UGT1A7: variants seen among roughly 807,000 people sequenced by gnomAD.
UGT1A7 encodes UDP-glucuronosyltransferase 1A7.
UGT1A7 carries 33 observed loss-of-function variants against 45.6 expected under a neutral mutation model. The ratio of observed to expected loss-of-function variants is 0.72; its 90% CI spans 0.55 to 0.97. The LOEUF is 0.97. Among genes scored for constraint, UGT1A7 ranks in the 50% least tolerant of loss-of-function variants. The pLI is 0.00. For missense variants in UGT1A7, 684 were observed against 666.2 expected (o/e 1.03, Z -0.29); for synonymous variants, 274 against 250.6 (o/e 1.09, Z -0.88).
Position 233,694,008 on chromosome 2 carries a change from G to A in UGT1A7, c.855+11216G>A, listed in dbSNP as rs12478255. 6,635 of 1,456,404 alleles carry A rather than the reference G, an allele frequency of 4.6e-3. 175 individuals are homozygous for A. In the Admixed American group the frequency reaches 0.07, roughly 15 times the overall value. The allele number at this position is 1,456,404 out of a possible 1,614,324, so 90.2% of individuals were successfully genotyped here. On this transcript the variant is annotated intron_variant, in intron 1 of 4. Coordinates refer to ENST00000373426, the MANE Select transcript of UGT1A7 (RefSeq NM_019077.3). Reference sequence around the variant, plus strand: ...GAAGTGATACCCGGCTCGGAGCAGCGGGAACACATAGGAGACCTGAGGCTG... The same window carrying A: ...GAAGTGATACCCGGCTCGGAGCAGCAGGAACACATAGGAGACCTGAGGCTG...
intron 1 of UGT1A7, among the ~76,000 whole-genome samples, chr2:233,703,636 A>G (rs1485520646): frequency 2.0e-5 from 3 of 152,118 alleles, no homozygotes; most frequent in Admixed American, 2.0e-4. Context: ...TGATATTAGT[A>G]TAACCAATCT....
intron 1 of UGT1A7, chr2:233,693,123 T>G: frequency 6.2e-7 from 1 of 1,614,176 alleles, no homozygotes; most frequent in Non-Finnish European, 8.5e-7. Context: ...AGCCACTGGC[T>G]TAGTATGAAG....
Position 233,744,054 on chromosome 2 carries a change from T to C in UGT1A7, c.856-22980T>C, listed in dbSNP as rs150741507. ...TTATGACGCAGCCACATCTCATTGG[T>C]CGAGGCCTATGAGCGCCTCGCATCC... On this transcript the variant is annotated intron_variant, in intron 1 of 4. Transcript: ENST00000373426. The C allele has an allele frequency of 5.9e-3, 3,770 of 635,096 alleles. 152 individuals carry two copies. In the East Asian group the frequency reaches 0.082, roughly 14 times the overall value. 39.3% of individuals were successfully genotyped at this position (635,096 alleles called of 1,614,324 possible).
chr2:233,727,581 A>G (rs748727287), intron 1 of UGT1A7, among the ~76,000 whole-genome samples: 1 of 152,154 alleles, frequency 6.6e-6, no homozygotes, highest in African/African-American at 2.4e-5. Context: ...TAGGAAGCAT[A>G]TAGTTTTAAG....
Position 233,682,441 on chromosome 2 carries a change from C to T in UGT1A7, c.504C>T (p.Phe168=), listed in dbSNP as rs1271103616. The part of the protein sequence containing the change: ...AKYFSLPSVV[F]ARGIFCHYLE... Reference sequence around the variant, plus strand: ...ATTTCTCCCTCCCCTCTGTGGTCTTCGCCAGGGGAATATTTTGCCACTATC... The same window carrying T: ...ATTTCTCCCTCCCCTCTGTGGTCTTTGCCAGGGGAATATTTTGCCACTATC... Residue 168 remains phenylalanine (F), a synonymous_variant, in exon 1 of 5, where the codon TTC becomes TTT. Coordinates refer to ENST00000373426, the MANE Select transcript of UGT1A7 (RefSeq NM_019077.3). 4.3e-6 allele frequency: 7 copies of T among 1,613,824 alleles called. No homozygotes were observed. Among genetic ancestry groups the T allele is most frequent in the Non-Finnish European group, 1.7e-6 (2 of 1,179,830 alleles).
At chr2:233,758,070 G>T (rs1696791398) in intron 1 of UGT1A7, among the ~76,000 whole-genome samples, 1 of 152,026 alleles carries the variant, frequency 6.6e-6, no homozygotes, top group South Asian at 2.1e-4. Flanking sequence ...TGACTTTCTG[G>T]GCCTAGTTCC....
intron 1 of UGT1A7, among the ~76,000 whole-genome samples, chr2:233,712,048 G>T (rs1193120711): frequency 6.6e-6 from 1 of 152,226 alleles, no homozygotes; most frequent in Non-Finnish European, 1.5e-5. Flanking sequence ...TTGGAAAAAA[G>T]CCTGACCATA....
At chr2:233,702,615 A>G (rs1053015833) in intron 1 of UGT1A7, among the ~76,000 whole-genome samples, 1 of 152,126 alleles carries the variant, frequency 6.6e-6, no homozygotes, top group Non-Finnish European at 1.5e-5. Flanking sequence ...TGCCCCCCAC[A>G]TTATGAGATT....
chr2:233,771,498 A>G (rs1006234323), intron 4 of UGT1A7: 3 of 152,314 alleles, frequency 2.0e-5, no homozygotes, highest in Non-Finnish European at 4.4e-5. Flanking sequence ...TAATGTTTCA[A>G]TGACTGAATT....
intron 1 of UGT1A7, among the ~76,000 whole-genome samples, chr2:233,683,302 A>G (rs2074626925): frequency 6.6e-6 from 1 of 152,108 alleles, no homozygotes; most frequent in South Asian, 2.1e-4. Context: ...TTACAGGTCA[A>G]TGCATACAGA....
intron 1 of UGT1A7, chr2:233,743,927 C>A (rs773932018): frequency 1.2e-5 from 17 of 1,360,072 alleles, no homozygotes; most frequent in Non-Finnish European, 1.6e-5. Context: ...GCTGGATGGC[C>A]AGAACGGCCC....
At chr2:233,713,464 C>T (rs12475068) in intron 1 of UGT1A7, 36 of 1,613,900 alleles carry the variant, frequency 2.2e-5, no homozygotes, top group Admixed American at 8.3e-5. Context: ...CACCTCTGCG[C>T]GGCGGTGCTG....
Position 233,772,456 on chromosome 2 carries a change from T to G in UGT1A7, c.1490T>G (p.Leu497Arg). The G allele has an allele frequency of 6.2e-7, 1 of 1,614,218 alleles. No individual in the cohort carries two copies. ...DVIGFLLAVV[L>R]TVAFITFKCC... ...ATTGGTTTCCTCTTGGCCGTCGTGC[T>G]GACAGTGGCCTTCATCACCTTTAAA... Residue 497 changes from leucine to arginine, a missense_variant, in exon 5 of 5, where the codon CTG becomes CGG. Physicochemically the swap from Leu to Arg is moderately radical, Grantham distance 102. Transcript: ENST00000373426.
At chr2:233,684,863 G>A (rs1161167563) in intron 1 of UGT1A7, among the ~76,000 whole-genome samples, 1 of 152,146 alleles carries the variant, frequency 6.6e-6, no homozygotes, top group Non-Finnish European at 1.5e-5. Flanking sequence ...TTCCTTTCTT[G>A]TTTCATATGG....
intron 1 of UGT1A7, chr2:233,693,975 G>A (rs1050252504): frequency 2.0e-5 from 32 of 1,565,898 alleles, no homozygotes; most frequent in Non-Finnish European, 2.6e-5. Flanking sequence ...CTGGAGAAAC[G>A]GTGGGGGGAA....
Position 233,747,654 on chromosome 2 carries a change from G to A in UGT1A7, c.856-19380G>A, listed in dbSNP as rs538867928. 1.4e-5 allele frequency: 22 copies of A among 1,591,158 alleles called. No individual in the cohort carries two copies. In the South Asian group the frequency reaches 2.4e-4, roughly 18 times the overall value. On this transcript the variant is annotated intron_variant, in intron 1 of 4. Coordinates refer to ENST00000373426, the MANE Select transcript of UGT1A7 (RefSeq NM_019077.3). ...GCACCTGAATGCTACTTCCTTCGAT[G>A]TGGTTTTAATAGACCCAATTTACCT...
intron 1 of UGT1A7, among the ~76,000 whole-genome samples, chr2:233,716,751 G>C (rs900841882): frequency 3.9e-5 from 6 of 152,184 alleles, no homozygotes; most frequent in African/African-American, 1.4e-4. Context: ...GATTGGGAGA[G>C]GGGAGCTAGA....
chr2:233,721,857 G>A (rs12475934), intron 1 of UGT1A7: 43,430 of 508,934 alleles, frequency 0.085, 2,681 homozygotes, highest in East Asian at 0.2. Context: ...CCCACTGCTC[G>A]GCCCTGGGCA....
chr2:233,741,619 C>T (rs901623616), intron 1 of UGT1A7: 6 of 151,836 alleles, frequency 4.0e-5, no homozygotes. Flanking sequence ...AGTGTCAGAC[C>T]CCATGAGCCC....
Sources: gnomAD v4.1 joint callset for allele counts (sites outside exome capture counted in the v4.1 genomes callset) on GRCh38, gnomAD v4.1.1 for gene constraint, MANE v1.5 for transcripts, NCBI Gene and HGNC (gene_info 2026-07-23, HGNC 2026-07-21) for gene names.